Variants in GRIA4 observed in about 807,000 individuals in gnomAD.
The protein encoded by GRIA4 is glutamate receptor 4.
GRIA4 carries 34 observed loss-of-function variants against 104.0 expected under a neutral mutation model. The ratio of observed to expected loss-of-function variants is 0.33; its 90% CI spans 0.25 to 0.44. The LOEUF is 0.44. Ranked by LOEUF, GRIA4 falls within the 20% of genes least tolerant of loss-of-function variation. The pLI, the probability that GRIA4 is intolerant of heterozygous loss-of-function variation, is 1.00. For synonymous variants in GRIA4, 386 were observed against 381.9 expected (o/e 1.01, Z -0.13); for missense variants, 750 against 1,096.5 (o/e 0.68, Z 4.46).
At chr11:105,716,081 A>G (rs1954079273) in intron 3 of GRIA4, among the ~76,000 whole-genome samples, 1 of 147,094 alleles carries the variant, frequency 6.8e-6, no homozygotes, top group African/African-American at 2.5e-5. Context: ...GCATAATTTT[A>G]TATTAGACAT....
At chr11:105,870,547 C>CAA (rs10706239) in intron 5 of GRIA4, among the ~76,000 whole-genome samples, 2 of 140,214 alleles carry the variant, frequency 1.4e-5, no homozygotes, top group South Asian at 4.5e-4. Flanking sequence ...TGGAAAGGTA[C>CAA]AAAAAAAAAA....
In GRIA4 at chr11:105,869,035, C is replaced by T. The variant is rs374669955; in HGVS notation, c.672+6827C>T. On this transcript the variant is annotated intron_variant, in intron 5 of 16. Coordinates refer to ENST00000282499, the MANE Select transcript of GRIA4 (RefSeq NM_000829.4). ...AAACAGAAACACCTTTACAGATCTG[C>T]TGGACTAGTGCAAATGGAATTGGTG... 8.5e-5 allele frequency among the ~76,000 whole-genome samples: 13 copies of T among 152,194 alleles called. No homozygotes were observed. In the East Asian group the frequency reaches 1.9e-3, roughly 23 times the overall value.
intron 6 of GRIA4, among the ~76,000 whole-genome samples, chr11:105,897,037 A>G (rs1370755329): frequency 1.3e-5 from 2 of 152,192 alleles, no homozygotes; most frequent in Admixed American, 6.5e-5. Flanking sequence ...CTTCCTATCC[A>G]TGAGCATGGG....
At chr11:105,695,865 T>C (rs1042215120) in intron 3 of GRIA4, among the ~76,000 whole-genome samples, 1 of 152,150 alleles carries the variant, frequency 6.6e-6, no homozygotes, top group African/African-American at 2.4e-5. Context: ...GCTATTGACA[T>C]CTAAACACAT....
At position 105,749,607 on chromosome 11, in the gene GRIA4, T is replaced by G. The variant is rs114430467; in HGVS notation, c.248-3374T>G. On this transcript the variant is annotated intron_variant, in intron 3 of 16. Transcript: ENST00000282499. ...CTTTGATTTGTATGTGATATAGAAC[T>G]ACAAATCCTCACAAATTATATAATC... 9.5e-3 allele frequency among the ~76,000 whole-genome samples: 1,446 copies of G among 152,272 alleles called. 31 individuals carry two copies. The highest frequency in any genetic ancestry group is 0.033 in the African/African-American group (1,377 of 41,544).
rs115465284 is a variant in GRIA4 at position 105,631,021 on chromosome 11, A to G, written c.247+18587A>G. Reference sequence around the variant, plus strand: ...TAAAATTCTCGTCTAAACCCCAAAGATTCTTTCTCACTTCTACTCCCCACC... The same window carrying G: ...TAAAATTCTCGTCTAAACCCCAAAGGTTCTTTCTCACTTCTACTCCCCACC... On this transcript the variant is annotated intron_variant, in intron 3 of 16. Transcript: ENST00000282499. 8.5e-3 allele frequency among the ~76,000 whole-genome samples: 1,294 copies of G among 152,274 alleles called. 18 individuals are homozygous for G. The highest frequency in any genetic ancestry group is 0.029 in the African/African-American group (1,202 of 41,548).
At chr11:105,725,697 G>A (rs1938155945) in intron 3 of GRIA4, among the ~76,000 whole-genome samples, 1 of 152,082 alleles carries the variant, frequency 6.6e-6, no homozygotes, top group African/African-American at 2.4e-5. Context: ...GAGGAAACCG[G>A]TTCATCTCAT....
intron 5 of GRIA4, among the ~76,000 whole-genome samples, chr11:105,866,904 GA>G (rs1945440510): frequency 6.6e-6 from 1 of 151,922 alleles, no homozygotes; most frequent in South Asian, 2.1e-4. Flanking sequence ...TATTTATCAG[GA>G]AAAGATAGTA....
At chr11:105,683,757 A>C (rs914383752) in intron 3 of GRIA4, among the ~76,000 whole-genome samples, 1 of 152,244 alleles carries the variant, frequency 6.6e-6, no homozygotes, top group Non-Finnish European at 1.5e-5. Flanking sequence ...TGAACAATGC[A>C]AGGTTGTTCA....
chr11:105,928,971 C>T (rs1311192915), intron 13 of GRIA4, among the ~76,000 whole-genome samples: 1 of 152,036 alleles, frequency 6.6e-6, no homozygotes, highest in African/African-American at 2.4e-5. Flanking sequence ...TCCTTTCTCT[C>T]CAACCCAACT....
intron 7 of GRIA4, among the ~76,000 whole-genome samples, chr11:105,902,356 G>A (rs1441439739): frequency 5.3e-5 from 8 of 150,770 alleles, no homozygotes; most frequent in Admixed American, 2.6e-4. Flanking sequence ...TCTGAGACAG[G>A]GTCTTTATCT....
intron 4 of GRIA4, among the ~76,000 whole-genome samples, chr11:105,798,767 G>A (rs1449624843): frequency 6.6e-6 from 1 of 152,078 alleles, no homozygotes; most frequent in Admixed American, 6.6e-5. Context: ...ACCGTGCTAA[G>A]CTTTTTGACT....
chr11:105,910,556 G>A lies in GRIA4; in HGVS notation c.1269+11G>A, dbSNP rs201734914. 1.5e-6 allele frequency: 2 copies of A among 1,340,266 alleles called. No individual in the cohort carries two copies. The highest frequency in any genetic ancestry group is 2.2e-6 in the Non-Finnish European group (2 of 930,094). The allele number at this position is 1,340,266 out of a possible 1,614,324, so 83.0% of individuals were successfully genotyped here. On this transcript the variant is annotated intron_variant, in intron 10 of 16. Transcript: ENST00000282499. ...GTAACCACAATTATGGTAAGTGTTG[G>A]TCTATGCTTTATGGTGTTCCGTTTT...
chr11:105,771,664 A>G (rs1042438146), intron 4 of GRIA4, among the ~76,000 whole-genome samples: 1 of 152,058 alleles, frequency 6.6e-6, no homozygotes, highest in African/African-American at 2.4e-5. Flanking sequence ...TGATTTATGC[A>G]TTTTGCTTCA....
At chr11:105,906,931 A>T (rs978879155) in intron 9 of GRIA4, among the ~76,000 whole-genome samples, 1 of 152,266 alleles carries the variant, frequency 6.6e-6, no homozygotes, top group African/African-American at 2.4e-5. Context: ...AAATGCTAAC[A>T]GATGGACAAA....
chr11:105,748,826 A>G lies in GRIA4; in HGVS notation c.248-4155A>G, dbSNP rs539081111. ...TGTGAAAAAGGAAGAAAACCATTGCAACCATTTCTCAGAAAATTCACTGAG... is the reference window on the plus strand; with the variant it reads ...TGTGAAAAAGGAAGAAAACCATTGCGACCATTTCTCAGAAAATTCACTGAG... On this transcript the variant is annotated intron_variant, in intron 3 of 16. Coordinates refer to ENST00000282499, the MANE Select transcript of GRIA4 (RefSeq NM_000829.4). 2.2e-3 allele frequency among the ~76,000 whole-genome samples: 339 copies of G among 152,310 alleles called. 1 individual carries two copies. The highest frequency in any genetic ancestry group is 4.1e-3 in the Non-Finnish European group (280 of 68,024).
At chr11:105,644,576 C>T (rs904811514) in intron 3 of GRIA4, among the ~76,000 whole-genome samples, 2 of 152,002 alleles carry the variant, frequency 1.3e-5, no homozygotes, top group African/African-American at 4.8e-5. Context: ...CGCACTCCAT[C>T]CTGGGTGAAA....
At chr11:105,743,710 T>G (rs1398606404) in intron 3 of GRIA4, among the ~76,000 whole-genome samples, 2 of 152,198 alleles carry the variant, frequency 1.3e-5, no homozygotes, top group African/African-American at 4.8e-5. Context: ...ATTATAAAAC[T>G]GTACTTCTCC....
chr11:105,676,958 T>A (rs1952557573), intron 3 of GRIA4, among the ~76,000 whole-genome samples: 1 of 151,844 alleles, frequency 6.6e-6, no homozygotes, highest in Non-Finnish European at 1.5e-5. Context: ...ATTTGTGCAA[T>A]AGACTGCATA....
Sources: gnomAD v4.1 joint callset for allele counts (sites outside exome capture counted in the v4.1 genomes callset) on GRCh38, gnomAD v4.1.1 for gene constraint, MANE v1.5 for transcripts, NCBI Gene and HGNC (gene_info 2026-07-23, HGNC 2026-07-21) for gene names.